Variants in WDR87 observed in about 807,000 individuals in gnomAD.
WDR87 encodes WD repeat-containing protein 87.
A neutral mutation model predicts 83.3 loss-of-function variants in WDR87; 56 were observed. That is an observed-to-expected ratio of 0.67 (90% CI 0.54 to 0.84). The LOEUF is 0.84. WDR87 is among the 40% of genes least tolerant of loss of function. WDR87 has a pLI of 0.00. For synonymous variants in WDR87, 1,173 were observed against 1,250.6 expected (o/e 0.94, Z 1.31); for missense variants, 2,939 against 3,431.9 (o/e 0.86, Z 3.59).
At chr19:37,896,361 A>G in intron 2 of WDR87, 53 bp from the exon 3 acceptor site, 2 of 1,524,840 alleles carry the variant, frequency 1.3e-6, no homozygotes, top group South Asian at 1.2e-5. Context: ...GGCACTAAAT[A>G]TATTCTCGCA....
At position 37,896,326 on chromosome 19, in the gene WDR87, A is replaced by G; in HGVS notation, c.76-18T>C. On this transcript the variant is annotated intron_variant, in intron 2 of 5. Transcript: ENST00000447313. ...GAAGGTTGCTGGAGAGAGGCGTGGC[A>G]TAAACTAAGAGGCCAGGGCACAGAG... 6 of 1,550,418 alleles carry G rather than the reference A, an allele frequency of 3.9e-6. No homozygotes were observed. Among genetic ancestry groups the G allele is most frequent in the Non-Finnish European group, 5.2e-6 (6 of 1,146,172 alleles).
At chr19:37,899,428 AAAAAAAAAGGAAAAAAAAAG>A (rs1429452026) in intron 1 of WDR87, among the ~76,000 whole-genome samples, 1 of 150,234 alleles carries the variant, frequency 6.7e-6, no homozygotes, top group Non-Finnish European at 1.5e-5. Flanking sequence ...AAAAAAAAAA[AAAAAAAAAGGAAAAAAAAAG>A]AAAAAAAAGA....
chr19:37,895,020 T>C lies in WDR87; in HGVS notation c.683A>G (p.Gln228Arg). The change falls in exon 4 of 6, where the codon CAG (glutamine) becomes CGG (arginine). Residue 228 changes from glutamine to arginine, a missense_variant. This residue lies in a region of WDR87 where 226 missense variants were observed against 320.9 expected (regional missense o/e 0.70). Transcript: ENST00000447313. The stretch of plus-strand genomic sequence containing the variant: ...CGTGAACCTCTTTACCTCTCCCAGC[T>C]GGCCCTTGCCCTGGTGCATAAGGAC... ...VRVLMHQGKG[Q>R]LGEVKRFTST... is the part of the protein sequence containing the mutation. 1 of 1,551,746 alleles carries C rather than the reference T, an allele frequency of 6.4e-7. No individual in the cohort carries two copies. Among genetic ancestry groups the C allele is most frequent in the Non-Finnish European group, 8.7e-7 (1 of 1,146,992 alleles).
rs755071288 is a variant in WDR87, at chr19:37,894,004, G to A, written c.1699C>T (p.Pro567Ser). 2.6e-6 allele frequency: 4 copies of A among 1,551,862 alleles called. No homozygotes were observed. The South Asian group carries it at 4.8e-5, about 18-fold the overall frequency. The change falls in exon 4 of 6, where the codon CCC becomes TCC. Residue 567 changes from proline to serine, a missense_variant. This residue lies in a region of WDR87 where 553 missense variants were observed against 577.9 expected (regional missense o/e 0.96). Coordinates refer to ENST00000447313, the MANE Select transcript of WDR87 (RefSeq NM_001291088.2). ...SCHLTHLILL[P>S]KSVGAITETN... is the part of the protein sequence containing the mutation. The stretch of plus-strand genomic sequence containing the variant: ...TCTGTGATGGCACCCACAGACTTGG[G>A]CAAGAGTATCAGATGTGTTAGGTGA...
chr19:37,892,677 A>C lies in WDR87; in HGVS notation c.3026T>G (p.Val1009Gly), dbSNP rs2046216124. ...CATGAGGCTTAGGGTCTTGATCCTC[A>C]CTCTTTCATCCTTGTCCATTAATCC... ...AQGLMDKDER[V>G]RIKTLSLMAE... is the part of the protein sequence containing the mutation. The change falls in exon 4 of 6, where the codon GTG becomes GGG. Residue 1009 changes from valine to glycine, a missense_variant. By Grantham distance (109) the Val-to-Gly change is moderately radical. This residue lies in a region of WDR87 where 2,160 missense variants were observed against 2,533.1 expected (regional missense o/e 0.85). Coordinates refer to ENST00000447313, the MANE Select transcript of WDR87 (RefSeq NM_001291088.2). 1 of 1,551,574 alleles carries C rather than the reference A, an allele frequency of 6.4e-7. No individual in the cohort carries two copies. Among genetic ancestry groups the C allele is most frequent in the Non-Finnish European group, 8.7e-7 (1 of 1,146,978 alleles).
chr19:37,906,685 G>A (rs1278849004), upstream of WDR87: 1 of 150,624 alleles, frequency 6.6e-6, no homozygotes, highest in African/African-American at 2.5e-5. Flanking sequence ...CGTGCGCATG[G>A]GCGCGCGCCC....
Position 37,885,121 on chromosome 19 carries a change from A to G in WDR87, c.8550T>C (p.Ser2850=). The part of the protein sequence containing the change: ...ERLFCCLFCG[S]SHTPRSPQEF... The stretch of plus-strand genomic sequence containing the variant: ...CCTGAGGACTTCTAGGAGTATGAGA[A>G]CTGCCACAAAACAGGCAGCAGAACA... Residue 2850 remains serine (S), a synonymous_variant, in exon 6 of 6, where the codon AGT becomes AGC. Transcript: ENST00000447313. 6.8e-6 allele frequency: 10 copies of G among 1,463,040 alleles called. No homozygotes were observed. The East Asian group carries it at 2.2e-4, about 33-fold the overall frequency. 90.6% of individuals were successfully genotyped at this position (1,463,040 alleles called of 1,614,324 possible). A position where few individuals can be genotyped will look rare whatever the true frequency, so the allele number is the denominator to read the frequency against.
Position 37,886,679 on chromosome 19 carries a change from T to C in WDR87, c.6992A>G (p.Lys2331Arg). Residue 2331 changes from lysine (K) to arginine (R), a missense_variant, in exon 6 of 6, where the codon AAG (lysine) becomes AGG (arginine). Around this residue, in one of 3 missense-constraint regions of WDR87, gnomAD observed 2,160 missense variants for 2,533.1 expected, o/e 0.85. Transcript: ENST00000447313. ...KEEEEKKKKKKEKKKEEVQEK... is the reference protein window; with the variant it reads ...KEEEEKKKKKREKKKEEVQEK... ...CTGAACCTCCTCCTTCTTCTTTTCC[T>C]TTTTCTTCTTCTTCTTCTCCTCCTC... 6.8e-7 allele frequency: 1 copy of C among 1,481,438 alleles called. No homozygotes were observed. Among genetic ancestry groups the C allele is most frequent in the Non-Finnish European group, 9.2e-7 (1 of 1,092,024 alleles). 91.8% of individuals were successfully genotyped at this position (1,481,438 alleles called of 1,614,324 possible).
In WDR87 at chr19:37,905,563, ATTT is replaced by A. The variant is rs36052498; in HGVS notation, c.-47+933_-47+935del. Among the ~76,000 whole-genome samples the A allele has an allele frequency of 5.3e-3, 780 of 147,954 alleles. 6 individuals carry two copies. Among genetic ancestry groups the A allele is most frequent in the African/African-American group, 0.019 (755 of 40,654 alleles). On this transcript the variant is annotated intron_variant, in intron 1 of 5. Transcript: ENST00000447313. ...ACACATAAAAACACACACATATATA[ATTT>A]TTTTTTTTTTTAAAGAGACAGGGTT...
In WDR87 at chr19:37,885,392, T is replaced by C. The variant is rs2046134567; in HGVS notation, c.8279A>G (p.Glu2760Gly). Reference protein sequence around the residue: ...KKTQPISKKKEELPLWETFVA... With the variant: ...KKTQPISKKKGELPLWETFVA... ...AAATGTCTCCCACAAAGGCAACTCT[T>C]CCTTTTTTTTAGAAATGGGCTGTGT... Residue 2760 changes from glutamate to glycine, a missense_variant, in exon 6 of 6, where the codon GAA becomes GGA. Physicochemically the swap from Glu to Gly is moderately conservative, Grantham distance 98. Around this residue, in one of 3 missense-constraint regions of WDR87, gnomAD observed 2,160 missense variants for 2,533.1 expected, o/e 0.85. Coordinates refer to ENST00000447313, the MANE Select transcript of WDR87 (RefSeq NM_001291088.2). The C allele has an allele frequency of 1.3e-6, 2 of 1,551,854 alleles. No individual in the cohort carries two copies. The highest frequency in any genetic ancestry group is 1.4e-5 in the African/African-American group (1 of 73,166).
At chr19:37,906,205 T>C (rs1245061463) in intron 1 of WDR87, among the ~76,000 whole-genome samples, 1 of 152,148 alleles carries the variant, frequency 6.6e-6, no homozygotes, top group African/African-American at 2.4e-5. Flanking sequence ...TGTTGCGGGG[T>C]ATTCCGCTGC....
chr19:37,893,667 G>A lies in WDR87; in HGVS notation c.2036C>T (p.Pro679Leu), dbSNP rs1339283774. ...LYLVSCLKLL[P>L]PALLTRLSFM... ...GGAAAGGCGAGTCAGCAGGGCTGGG[G>A]GAAGCAATTTTAAACAGGACACTAG... The change falls in exon 4 of 6, where the codon CCC becomes CTC. Residue 679 changes from proline (P) to leucine (L), a missense_variant. Physicochemically the swap from Pro to Leu is moderately conservative, Grantham distance 98. Around this residue, in one of 3 missense-constraint regions of WDR87, gnomAD observed 553 missense variants for 577.9 expected, o/e 0.96. Coordinates refer to ENST00000447313, the MANE Select transcript of WDR87 (RefSeq NM_001291088.2). The A allele has an allele frequency of 6.4e-7, 1 of 1,551,962 alleles. No individual in the cohort carries two copies. The highest frequency in any genetic ancestry group is 8.7e-7 in the Non-Finnish European group (1 of 1,147,116).
chr19:37,903,409 A>G (rs117132773), intron 1 of WDR87, among the ~76,000 whole-genome samples: 2,063 of 152,366 alleles, frequency 0.014, 36 homozygotes, highest in South Asian at 0.081. Flanking sequence ...GCTGACAAAC[A>G]TACATTAACA....
chr19:37,895,549 C>T (rs994816385), intron 3 of WDR87, 93 bp from the exon 4 acceptor site: 3 of 1,199,706 alleles, frequency 2.5e-6, no homozygotes, highest in East Asian at 5.1e-5. Flanking sequence ...GGGTGGATCA[C>T]CTGAGGTCAG....
At position 37,887,798 on chromosome 19, in the gene WDR87, A is replaced by C; in HGVS notation, c.5873T>G (p.Val1958Gly). ...CTGTTTTTTGGCCAAACTATCCTCT[A>C]CTTGGACCAATTTTTTCTCTGTTTC... is the stretch of plus-strand genomic sequence containing the variant. ...LAETEKKLVQ[V>G]EDSLAKKQEK... Residue 1958 changes from valine to glycine, a missense_variant, in exon 6 of 6, where the codon GTA becomes GGA. Transcript: ENST00000447313. 7 of 1,550,898 alleles carry C rather than the reference A, an allele frequency of 4.5e-6. No individual in the cohort carries two copies. The highest frequency in any genetic ancestry group is 6.1e-6 in the Non-Finnish European group (7 of 1,146,882).
At position 37,894,819 on chromosome 19, in the gene WDR87, G is replaced by C. The variant is rs1163518324; in HGVS notation, c.884C>G (p.Ala295Gly). 5 of 1,551,622 alleles carry C rather than the reference G, an allele frequency of 3.2e-6. No individual in the cohort carries two copies. The highest frequency in any genetic ancestry group is 1.4e-5 in the African/African-American group (1 of 73,056). Residue 295 changes from alanine to glycine, a missense_variant, in exon 4 of 6, where the codon GCC becomes GGC. Coordinates refer to ENST00000447313, the MANE Select transcript of WDR87 (RefSeq NM_001291088.2). ...ACTACCAGCTGTTAGCAGGGTGTGG[G>C]CCTCTGGTCGGCTGCGGATACAGAT... ...GVICIRSRPE[A>G]HTLLTAGSDS... is the part of the protein sequence containing the mutation.
In WDR87 at chr19:37,884,899, A is replaced by G; in HGVS notation, c.*33T>C. The stretch of plus-strand genomic sequence containing the variant: ...GTAATTAGGCCTTTCTCCAGTTGGC[A>G]ATGAAAAGTCCCAGCCTCCAGTCAG... On this transcript the variant is annotated 3_prime_UTR_variant, in exon 6 of 6. Transcript: ENST00000447313. 7.9e-7 allele frequency: 1 copy of G among 1,271,188 alleles called. No homozygotes were observed. The highest frequency in any genetic ancestry group is 1.0e-6 in the Non-Finnish European group (1 of 1,000,742). The allele number at this position is 1,271,188 out of a possible 1,614,324, so 78.7% of individuals were successfully genotyped here. A position where few individuals can be genotyped will look rare whatever the true frequency, so the allele number is the denominator to read the frequency against.
rs2046162724 is a variant in WDR87 at position 37,887,742 on chromosome 19, C to G, written c.5929G>C (p.Ala1977Pro). 1 of 1,552,246 alleles carries G rather than the reference C, an allele frequency of 6.4e-7. No homozygotes were observed. Residue 1977 changes from alanine (A) to proline (P), a missense_variant, in exon 6 of 6, where the codon GCT becomes CCT. By Grantham distance (27) the Ala-to-Pro change is conservative. Coordinates refer to ENST00000447313, the MANE Select transcript of WDR87 (RefSeq NM_001291088.2). The stretch of plus-strand genomic sequence containing the variant: ...CCTTGGACCATTGCCTTCTCCAGAG[C>G]TAATTTCATTTTTTCCTGGGCCAAT... Reference protein sequence around the residue: ...EKLAQEKMKLALEKAMVQGKK... With the variant: ...EKLAQEKMKLPLEKAMVQGKK...
chr19:37,884,837 A>AG lies in WDR87; in HGVS notation c.*94_*95insC. 4 of 1,183,344 alleles carry AG rather than the reference A, an allele frequency of 3.4e-6. No homozygotes were observed. Among genetic ancestry groups the AG allele is most frequent in the Non-Finnish European group, 4.3e-6 (4 of 928,668 alleles). The allele number at this position is 1,183,344 out of a possible 1,614,324, so 73.3% of individuals were successfully genotyped here. A position where few individuals can be genotyped will look rare whatever the true frequency, so the allele number is the denominator to read the frequency against. On this transcript the variant is annotated 3_prime_UTR_variant, in exon 6 of 6. Transcript: ENST00000447313. ...GAGTGAAACACCGTCTCAAAAAAAA[A>AG]AAAAAGAGAGAGAGAGAGATGAAGG...
Sources: allele counts gnomAD v4.1 joint callset (sites outside exome capture counted in the v4.1 genomes callset), GRCh38; gene constraint gnomAD v4.1.1; regional missense constraint gnomAD v4.1.1; transcripts MANE v1.5; gene names NCBI Gene and HGNC (gene_info 2026-07-23, HGNC 2026-07-21).